The following AKAP8L variants were observed in gnomAD, a reference collection of about 807,000 sequenced individuals.
AKAP8L encodes the protein A-kinase anchor protein 8-like.
AKAP8L carries 34 observed loss-of-function variants against 77.5 expected under a neutral mutation model. That is an observed-to-expected ratio of 0.44 (90% CI 0.33 to 0.58). AKAP8L has a LOEUF of 0.58. AKAP8L is among the 20% of genes least tolerant of loss of function. The pLI, the probability that AKAP8L is intolerant of heterozygous loss-of-function variation, is 0.02. For missense variants in AKAP8L, 806 were observed against 887.6 expected (o/e 0.91, Z 1.17); for synonymous variants, 342 against 340.7 (o/e 1.00, Z -0.04).
In AKAP8L at chr19:15,396,536, G is replaced by T. The variant is rs369576933; in HGVS notation, c.1536+614C>A. Among the ~76,000 whole-genome samples, 13 of 152,230 alleles carry T rather than the reference G, an allele frequency of 8.5e-5. No homozygotes were observed. The East Asian group carries it at 2.1e-3, about 25-fold the overall frequency. On this transcript the variant is annotated intron_variant, in intron 12 of 13. Coordinates refer to ENST00000397410, the MANE Select transcript of AKAP8L (RefSeq NM_014371.4). ...GCTCCCTGACAATCTTGGCAGCACC[G>T]CTGTCCTCCCAGTTCCCCAAGTCAG...
intron 4 of AKAP8L, among the ~76,000 whole-genome samples, chr19:15,402,188 G>A (rs1216783651): frequency 6.6e-6 from 1 of 152,178 alleles, no homozygotes; most frequent in Non-Finnish European, 1.5e-5. Flanking sequence ...AAGAAAAAGA[G>A]CTGTATTACA....
intron 1 of AKAP8L, among the ~76,000 whole-genome samples, 194 bp downstream of exon 1, chr19:15,418,717 C>G (rs571918259): frequency 5.9e-5 from 9 of 152,328 alleles, no homozygotes; most frequent in African/African-American, 2.2e-4. Flanking sequence ...GGGACGCCGG[C>G]TGCAGACACA....
intron 1 of AKAP8L, among the ~76,000 whole-genome samples, chr19:15,415,142 T>C (rs1191527896): frequency 2.0e-5 from 3 of 152,188 alleles, no homozygotes; most frequent in Non-Finnish European, 4.4e-5. Flanking sequence ...TGCTCAAAAA[T>C]ACAAAAGCAG....
chr19:15,382,069 G>C (rs1967429511), intron 12 of AKAP8L: 1 of 152,228 alleles, frequency 6.6e-6, no homozygotes, highest in African/African-American at 2.4e-5. Context: ...AAAGACAGAA[G>C]AATCTGTGCT....
rs1156839631 is a variant in AKAP8L, at chr19:15,410,581, T to C, written c.27A>G (p.Gly9=). 11 of 1,592,634 alleles carry C rather than the reference T, an allele frequency of 6.9e-6. No homozygotes were observed. Among genetic ancestry groups the C allele is most frequent in the Non-Finnish European group, 9.4e-6 (11 of 1,169,622 alleles). The change falls in exon 2 of 14, where the codon GGA becomes GGG. Residue 9 remains glycine (G), a synonymous_variant. Transcript: ENST00000397410. The part of the protein sequence containing the change: MSYTGFVQ[G]SETTLQSTYS... Reference sequence around the variant, plus strand: ...ATGTCGACTGCAAAGTGGTTTCAGATCCCTGGACAAAGCCTAAACATAAAG... The same window carrying C: ...ATGTCGACTGCAAAGTGGTTTCAGACCCCTGGACAAAGCCTAAACATAAAG...
intron 12 of AKAP8L, among the ~76,000 whole-genome samples, chr19:15,395,357 C>A (rs1203681394): frequency 1.3e-5 from 2 of 151,730 alleles, no homozygotes; most frequent in African/African-American, 4.8e-5. Context: ...ATGAGTCTCG[C>A]AGATTGCTCT....
Position 15,398,115 on chromosome 19 carries a change from A to G in AKAP8L, c.1158-260T>C. On this transcript the variant is annotated intron_variant, in intron 9 of 13. Transcript: ENST00000397410. The surrounding 1 kb of genome is among the most constrained non-coding windows in gnomAD (Gnocchi z 9.2). Reference sequence around the variant, plus strand: ...CAGGCAGGAGGCTGAAGCCTGAGACAGCAGCTGCTGCAACAGGCAACGAGT... The same window carrying G: ...CAGGCAGGAGGCTGAAGCCTGAGACGGCAGCTGCTGCAACAGGCAACGAGT... 2.0e-6 allele frequency: 1 copy of G among 503,618 alleles called. No homozygotes were observed. The highest frequency in any genetic ancestry group is 3.3e-5 in the Admixed American group (1 of 30,618). 31.2% of individuals were successfully genotyped at this position (503,618 alleles called of 1,614,324 possible).
At chr19:15,382,819 T>C (rs1967446442) in intron 12 of AKAP8L, among the ~76,000 whole-genome samples, 1 of 152,206 alleles carries the variant, frequency 6.6e-6, no homozygotes, top group Admixed American at 6.5e-5. Flanking sequence ...CACTCCATCC[T>C]GCACAACATG....
In AKAP8L at chr19:15,403,646, G is replaced by A; in HGVS notation, c.191C>T (p.Ala64Val). The change falls in exon 4 of 14, where the codon GCC (alanine) becomes GTC (valine). Residue 64 changes from alanine to valine, a missense_variant. By Grantham distance (64) the Ala-to-Val change is moderately conservative (BLOSUM62 0). Transcript: ENST00000397410. The surrounding 1 kb of genome is among the most constrained non-coding windows in gnomAD (Gnocchi z 4.3). The stretch of plus-strand genomic sequence containing the variant: ...AGGCATTTCCCAAGAGTGTGAAGTG[G>A]CCATACCATACCCATAGTTGGTGGT... ...DNTTNYGYGM[A>V]TSHSWEMPSS... 6.2e-7 allele frequency: 1 copy of A among 1,613,690 alleles called. No individual in the cohort carries two copies. Among genetic ancestry groups the A allele is most frequent in the East Asian group, 2.2e-5 (1 of 44,882 alleles).
chr19:15,384,363 G>C (rs572718257), intron 12 of AKAP8L, among the ~76,000 whole-genome samples: 2 of 147,460 alleles, frequency 1.4e-5, no homozygotes, highest in Admixed American at 1.4e-4. Context: ...GCAATGGCGC[G>C]ATCTTGGCTC....
chr19:15,381,937 C>G (rs775946755), intron 12 of AKAP8L: 2 of 152,186 alleles, frequency 1.3e-5, no homozygotes, highest in Non-Finnish European at 2.9e-5. Flanking sequence ...TGATAGTGCC[C>G]AATTAACTGC....
At chr19:15,393,491 T>C (rs942280566) in intron 12 of AKAP8L, among the ~76,000 whole-genome samples, 11 of 151,986 alleles carry the variant, frequency 7.2e-5, no homozygotes, top group African/African-American at 2.7e-4. Context: ...CACAAAGAAC[T>C]TGAATAGACA....
intron 1 of AKAP8L, among the ~76,000 whole-genome samples, chr19:15,415,021 C>A (rs1048629078): frequency 6.6e-6 from 1 of 152,188 alleles, no homozygotes; most frequent in Admixed American, 6.5e-5. Flanking sequence ...CTATGTTACC[C>A]ATGCTGGTGT....
chr19:15,415,704 G>C (rs1283021924), intron 1 of AKAP8L, among the ~76,000 whole-genome samples: 2 of 151,984 alleles, frequency 1.3e-5, no homozygotes, highest in East Asian at 3.9e-4. Context: ...GGCTAACAAG[G>C]TGAAACCCCG....
chr19:15,403,751 G>T lies in AKAP8L; in HGVS notation c.122-36C>A. Reference sequence around the variant, plus strand: ...GGAGACAGAGACAGACAGATGGTGGGGGCAGGCAGAGGGGAGGCAGACAGA... The same window carrying T: ...GGAGACAGAGACAGACAGATGGTGGTGGCAGGCAGAGGGGAGGCAGACAGA... On this transcript the variant is annotated intron_variant, in intron 3 of 13. Transcript: ENST00000397410. This position sits in a 1 kb window ranked among gnomAD's most constrained non-coding sequence, Gnocchi z 4.3. The T allele has an allele frequency of 6.6e-7, 1 of 1,510,990 alleles. No individual in the cohort carries two copies. 93.6% of individuals were successfully genotyped at this position (1,510,990 alleles called of 1,614,324 possible).
Position 15,397,821 on chromosome 19 carries a change from T to C in AKAP8L, c.1192A>G (p.Thr398Ala). The change falls in exon 10 of 14, where the codon ACC (threonine) becomes GCC (alanine). Residue 398 changes from threonine (T) to alanine (A), a missense_variant. Transcript: ENST00000397410. The surrounding 1 kb of genome is among the most constrained non-coding windows in gnomAD (Gnocchi z 4.7). ...QFVCSLCKYR[T>A]FYEDEMASHL... is the part of the protein sequence containing the mutation. Reference sequence around the variant, plus strand: ...CTGGCCATCTCGTCCTCATAGAAGGTCCGGTATTTGCACAGAGAACACACA... The same window carrying C: ...CTGGCCATCTCGTCCTCATAGAAGGCCCGGTATTTGCACAGAGAACACACA... 6.2e-7 allele frequency: 1 copy of C among 1,613,802 alleles called. No homozygotes were observed. The highest frequency in any genetic ancestry group is 8.5e-7 in the Non-Finnish European group (1 of 1,179,850).
Position 15,399,408 on chromosome 19 carries a change from C to G in AKAP8L, c.1051G>C (p.Ala351Pro), listed in dbSNP as rs199945436. ...EEGKEDPEKG[A>P]LTTQDENGQT... is the part of the protein sequence containing the mutation. ...CCATTTTCATCCTGGGTGGTTAGGG[C>G]CCCTGTGGGAGCAGATGGGCACTGT... The change falls in exon 9 of 14, where the codon GCC becomes CCC. Residue 351 changes from alanine to proline, a missense_variant and splice_region_variant. Coordinates refer to ENST00000397410, the MANE Select transcript of AKAP8L (RefSeq NM_014371.4). This position sits in a 1 kb window ranked among gnomAD's most constrained non-coding sequence, Gnocchi z 6.1. The G allele has an allele frequency of 5.1e-4, 819 of 1,613,232 alleles. No individual in the cohort carries two copies. In the African/African-American group the frequency reaches 8.3e-3, roughly 16 times the overall value.
Position 15,401,369 on chromosome 19 carries a change from G to A in AKAP8L, c.597C>T (p.Arg199=). Residue 199 remains arginine (R), a synonymous_variant, in exon 5 of 14, where the codon CGC becomes CGT. Coordinates refer to ENST00000397410, the MANE Select transcript of AKAP8L (RefSeq NM_014371.4). This position sits in a 1 kb window ranked among gnomAD's most constrained non-coding sequence, Gnocchi z 6.2. ...GGGCCCCCATGGGGTCTTCCCACAT[G>A]CGCCCATAGCCTGAGGCCATTGGCC... is the stretch of plus-strand genomic sequence containing the variant. The part of the protein sequence containing the change: ...SGRPMASGYG[R]MWEDPMGARG... 6.2e-7 allele frequency: 1 copy of A among 1,613,318 alleles called. No individual in the cohort carries two copies. Among genetic ancestry groups the A allele is most frequent in the Non-Finnish European group, 8.5e-7 (1 of 1,179,830 alleles).
At chr19:15,402,105 C>T (rs1262351414) in intron 4 of AKAP8L, among the ~76,000 whole-genome samples, 2 of 152,170 alleles carry the variant, frequency 1.3e-5, no homozygotes, top group Non-Finnish European at 2.9e-5. Flanking sequence ...CTGCAAAGTC[C>T]CTCATTACCA....
Sources: gnomAD v4.1 joint callset for allele counts (sites outside exome capture counted in the v4.1 genomes callset) on GRCh38, gnomAD v4.1.1 for gene constraint, Gnocchi (gnomAD v3.1) non-coding constraint, MANE v1.5 for transcripts, NCBI Gene and HGNC (gene_info 2026-07-23, HGNC 2026-07-21) for gene names.